Variants in ANKS1B observed in about 807,000 individuals in gnomAD.
The protein encoded by ANKS1B is ankyrin repeat and sterile alpha motif domain-containing protein 1B.
ANKS1B carries 36 observed loss-of-function variants against 148.3 expected under a neutral mutation model. The observed-to-expected ratio is 0.24, with a 90% CI of 0.19 to 0.32. The LOEUF is 0.32. ANKS1B is among the 10% of genes least tolerant of loss of function. The pLI is 1.00. For missense variants in ANKS1B, 1,157 were observed against 1,542.6 expected (o/e 0.75, Z 4.19); for synonymous variants, 542 against 560.8 (o/e 0.97, Z 0.47).
intron 11 of ANKS1B, among the ~76,000 whole-genome samples, chr12:99,417,711 TTTC>T (rs1406087402): frequency 1.8e-4 from 28 of 152,192 alleles, no homozygotes; most frequent in Admixed American, 1.8e-3. Flanking sequence ...GAACATTTTT[TTTC>T]ATCAGTGTTT....
At chr12:98,942,440 C>A (rs544605056) in intron 17 of ANKS1B, among the ~76,000 whole-genome samples, 1 of 152,234 alleles carries the variant, frequency 6.6e-6, no homozygotes, top group African/African-American at 2.4e-5. Flanking sequence ...AGAGGTCAGC[C>A]ACTTGACAAA....
intron 16 of ANKS1B, among the ~76,000 whole-genome samples, chr12:99,057,832 T>C (rs917354947): frequency 6.6e-6 from 1 of 152,214 alleles, no homozygotes; most frequent in Non-Finnish European, 1.5e-5. Flanking sequence ...AGAAGTTGCA[T>C]AACTCCTGGT....
At chr12:99,852,287 T>G (rs1323889918) in intron 1 of ANKS1B, among the ~76,000 whole-genome samples, 2 of 148,760 alleles carry the variant, frequency 1.3e-5, no homozygotes, top group African/African-American at 5.0e-5. Context: ...AATTACCAAA[T>G]CTAAGCTCTG....
intron 14 of ANKS1B, among the ~76,000 whole-genome samples, chr12:99,160,473 G>C (rs1334808176): frequency 5.3e-5 from 8 of 149,828 alleles, no homozygotes; most frequent in Admixed American, 2.0e-4. Flanking sequence ...CGAGTAGCTG[G>C]AACTACAGGC....
intron 8 of ANKS1B, among the ~76,000 whole-genome samples, chr12:99,695,843 G>C: frequency 6.6e-6 from 1 of 152,136 alleles, no homozygotes; most frequent in East Asian, 1.9e-4. Context: ...GTTTACCTAT[G>C]TAACAAACCT....
chr12:98,796,737 C>T (rs985138546), intron 22 of ANKS1B, among the ~76,000 whole-genome samples: 1 of 152,126 alleles, frequency 6.6e-6, no homozygotes, highest in African/African-American at 2.4e-5. Flanking sequence ...GCACCAAGAG[C>T]AGCAAACCAG....
chr12:99,667,753 C>G (rs2098516615), intron 8 of ANKS1B, among the ~76,000 whole-genome samples: 5 of 152,158 alleles, frequency 3.3e-5, no homozygotes, highest in Admixed American at 3.3e-4. Context: ...TCTCAGTTTA[C>G]TAAAAGTTTG....
At chr12:98,766,508 C>G (rs940075737) in intron 25 of ANKS1B, among the ~76,000 whole-genome samples, 1 of 152,172 alleles carries the variant, frequency 6.6e-6, no homozygotes, top group Admixed American at 6.5e-5. Flanking sequence ...TTTAAGGGCT[C>G]TATGCATTGT....
chr12:99,576,900 C>G (rs1431831038), intron 9 of ANKS1B, among the ~76,000 whole-genome samples: 1 of 151,852 alleles, frequency 6.6e-6, no homozygotes, highest in Non-Finnish European at 1.5e-5. Flanking sequence ...TTTTTCAACT[C>G]TCACTCCCCT....
At chr12:99,088,035 A>G (rs1413539170) in intron 15 of ANKS1B, among the ~76,000 whole-genome samples, 1 of 152,226 alleles carries the variant, frequency 6.6e-6, no homozygotes, top group East Asian at 1.9e-4. Flanking sequence ...ATTTCCTAGC[A>G]TATAGGATAA....
At chr12:99,218,630 G>C (rs1364948615) in intron 14 of ANKS1B, among the ~76,000 whole-genome samples, 2 of 152,072 alleles carry the variant, frequency 1.3e-5, no homozygotes, top group African/African-American at 4.8e-5. Context: ...TTAAGATCTT[G>C]GGTTCTGGAA....
At chr12:99,283,840 G>A (rs2078779212) in intron 12 of ANKS1B, among the ~76,000 whole-genome samples, 2 of 152,108 alleles carry the variant, frequency 1.3e-5, no homozygotes, top group Non-Finnish European at 2.9e-5. Flanking sequence ...TAAACCAGGG[G>A]TAGCTGAAAT....
chr12:99,726,328 A>G (rs1040262745), intron 8 of ANKS1B, among the ~76,000 whole-genome samples: 1 of 152,212 alleles, frequency 6.6e-6, no homozygotes, highest in African/African-American at 2.4e-5. Flanking sequence ...CAGAAATACA[A>G]ACTACCATCA....
At chr12:99,522,265 C>T (rs1477195316) in intron 9 of ANKS1B, among the ~76,000 whole-genome samples, 3 of 152,126 alleles carry the variant, frequency 2.0e-5, no homozygotes, top group Non-Finnish European at 1.5e-5. Flanking sequence ...GTCCCTGAAT[C>T]CCAAACAGGT....
chr12:98,977,830 CAGTCAATAGA>C (rs915592646), intron 17 of ANKS1B, among the ~76,000 whole-genome samples: 5 of 152,084 alleles, frequency 3.3e-5, no homozygotes, highest in Non-Finnish European at 7.4e-5. Context: ...CATACTCATA[CAGTCAATAGA>C]CATTGGTAGC....
chr12:99,924,322 T>G (rs1421974132), intron 1 of ANKS1B, among the ~76,000 whole-genome samples: 1 of 93,220 alleles, frequency 1.1e-5, no homozygotes. Flanking sequence ...ACTGGAAGCA[T>G]GTATAATGGA....
At chr12:99,851,583 A>G (rs1007113928) in intron 1 of ANKS1B, among the ~76,000 whole-genome samples, 2 of 152,172 alleles carry the variant, frequency 1.3e-5, no homozygotes, top group Non-Finnish European at 2.9e-5. Flanking sequence ...TTGAGGAAAA[A>G]TATTATTTAG....
At chr12:98,740,342 C>T (rs948709179), downstream of ANKS1B, among the ~76,000 whole-genome samples, 1 of 152,166 alleles carries the variant, frequency 6.6e-6, no homozygotes, top group African/African-American at 2.4e-5. Flanking sequence ...CAACTCATTG[C>T]CAGTCTCCTC....
At chr12:99,738,853 T>C (rs1686182160) in intron 8 of ANKS1B, among the ~76,000 whole-genome samples, 1 of 152,050 alleles carries the variant, frequency 6.6e-6, no homozygotes, top group South Asian at 2.1e-4. Context: ...AGGCTGGAGG[T>C]GAAAGCAGAC....
Sources: allele counts gnomAD v4.1 joint callset (sites outside exome capture counted in the v4.1 genomes callset), GRCh38; gene constraint gnomAD v4.1.1; transcripts MANE v1.5; gene names NCBI Gene and HGNC (gene_info 2026-07-23, HGNC 2026-07-21).